IGSF21: variants seen among roughly 807,000 people sequenced by gnomAD.
IGSF21 encodes the protein immunoglobin superfamily member 21, also known as immunoglobulin superfamily member 21.
Under a neutral mutation model 46.8 loss-of-function variants are expected in IGSF21, and 28 were observed. The ratio of observed to expected loss-of-function variants is 0.60; its 90% CI spans 0.44 to 0.82. The LOEUF (loss-of-function observed/expected upper bound fraction) is 0.82. Ranked by LOEUF, IGSF21 falls within the 40% of genes least tolerant of loss-of-function variation. The pLI, the probability that IGSF21 is intolerant of heterozygous loss-of-function variation, is 0.00. For missense variants in IGSF21, 624 were observed against 665.5 expected (o/e 0.94, Z 0.69); for synonymous variants, 284 against 273.6 (o/e 1.04, Z -0.38).
At chr1:18,256,639 T>C (rs1162447949) in intron 2 of IGSF21, among the ~76,000 whole-genome samples, 1 of 152,184 alleles carries the variant, frequency 6.6e-6, no homozygotes, top group Non-Finnish European at 1.5e-5. Context: ...GAATCCACGA[T>C]CTGCCCTTCC....
chr1:18,297,256 G>A (rs1026085659), intron 3 of IGSF21, among the ~76,000 whole-genome samples: 13 of 152,274 alleles, frequency 8.5e-5, no homozygotes, highest in African/African-American at 2.9e-4. Context: ...GAATGAGTTC[G>A]TGGTGAACAT....
chr1:18,327,753 G>A (rs545843616), intron 3 of IGSF21, among the ~76,000 whole-genome samples: 27 of 152,154 alleles, frequency 1.8e-4, no homozygotes, highest in Non-Finnish European at 3.8e-4. Flanking sequence ...GATTATAAAA[G>A]GGCACAAGGA....
chr1:18,340,185 G>A (rs1008734166), intron 4 of IGSF21, among the ~76,000 whole-genome samples: 2 of 151,986 alleles, frequency 1.3e-5, no homozygotes, highest in African/African-American at 4.8e-5. Context: ...GCACTGTTGT[G>A]TGCACTGGAG....
chr1:18,230,922 C>T (rs1045717422), intron 2 of IGSF21, among the ~76,000 whole-genome samples: 5 of 151,890 alleles, frequency 3.3e-5, no homozygotes, highest in South Asian at 2.1e-4. Context: ...TCCCTCTCCC[C>T]GCAGCCTGCC....
chr1:18,298,370 C>T (rs754533133), intron 3 of IGSF21, among the ~76,000 whole-genome samples: 3 of 152,174 alleles, frequency 2.0e-5, no homozygotes, highest in Non-Finnish European at 4.4e-5. Flanking sequence ...TTTGAGGTAG[C>T]GTGTCCTGAA....
intron 1 of IGSF21, among the ~76,000 whole-genome samples, chr1:18,154,801 T>C (rs1307941533): frequency 2.0e-5 from 3 of 151,992 alleles, no homozygotes; most frequent in African/African-American, 7.2e-5. Flanking sequence ...TTCCCTCCCT[T>C]CCTTTCTCTT....
chr1:18,223,774 A>G (rs1241697970), intron 1 of IGSF21, among the ~76,000 whole-genome samples: 2 of 152,250 alleles, frequency 1.3e-5, no homozygotes, highest in South Asian at 4.2e-4. Context: ...TGCTGAAAAA[A>G]TGGGAGTGAG....
intron 4 of IGSF21, among the ~76,000 whole-genome samples, chr1:18,339,694 T>C (rs1422433748): frequency 2.6e-5 from 4 of 152,206 alleles, no homozygotes; most frequent in Non-Finnish European, 5.9e-5. Context: ...CACTGCTTTC[T>C]AGCCTGGGCA....
intron 1 of IGSF21, among the ~76,000 whole-genome samples, chr1:18,161,469 C>T (rs903074298): frequency 6.6e-6 from 1 of 152,092 alleles, no homozygotes; most frequent in Admixed American, 6.5e-5. Flanking sequence ...TCTACCCAGG[C>T]CACCAAAAGC....
chr1:18,364,619 T>A (rs1040725296), intron 5 of IGSF21, among the ~76,000 whole-genome samples: 5 of 152,040 alleles, frequency 3.3e-5, no homozygotes, highest in Non-Finnish European at 7.4e-5. Context: ...AAACTTGAGT[T>A]CCCCGTTAGC....
chr1:18,314,568 C>T (rs1020278794), intron 3 of IGSF21, among the ~76,000 whole-genome samples: 2 of 152,178 alleles, frequency 1.3e-5, no homozygotes, highest in Admixed American at 6.5e-5. Context: ...CTGCAAGGAG[C>T]GCCCTCTCAT....
intron 1 of IGSF21, among the ~76,000 whole-genome samples, chr1:18,161,936 A>G (rs924843584): frequency 2.0e-5 from 3 of 152,178 alleles, no homozygotes; most frequent in Non-Finnish European, 4.4e-5. Context: ...CTCATCTGCA[A>G]AAGGGGATCA....
intron 7 of IGSF21, 136 bp from the exon 8 acceptor site, chr1:18,376,664 T>G: frequency 1.3e-6 from 1 of 783,478 alleles, no homozygotes; most frequent in Non-Finnish European, 2.1e-6. Context: ...CTCCTCCTCC[T>G]GGAGTTCAGG....
intron 1 of IGSF21, among the ~76,000 whole-genome samples, chr1:18,159,154 C>T (rs2086594034): frequency 6.6e-6 from 1 of 152,220 alleles, no homozygotes; most frequent in Non-Finnish European, 1.5e-5. Flanking sequence ...GTTCTATTGA[C>T]CCACTAGCCT....
At chr1:18,361,959 G>A in intron 4 of IGSF21, 156 bp from the exon 5 acceptor site, 1 of 610,300 alleles carries the variant, frequency 1.6e-6, no homozygotes, top group Non-Finnish European at 3.0e-6. Flanking sequence ...GTTCCTCACT[G>A]TAGTGGATAC....
chr1:18,163,686 G>A (rs2086650226), intron 1 of IGSF21, among the ~76,000 whole-genome samples: 1 of 152,168 alleles, frequency 6.6e-6, no homozygotes, highest in East Asian at 1.9e-4. Context: ...CCCCATTGGT[G>A]CAGCCAGCAT....
intron 2 of IGSF21, among the ~76,000 whole-genome samples, chr1:18,288,040 A>T (rs1360846286): frequency 6.6e-6 from 1 of 152,110 alleles, no homozygotes; most frequent in East Asian, 1.9e-4. Context: ...CCCACCAGGG[A>T]CTCTACAAGG....
chr1:18,254,288 G>GC (rs992923457), intron 2 of IGSF21, among the ~76,000 whole-genome samples: 1 of 145,124 alleles, frequency 6.9e-6, no homozygotes, highest in African/African-American at 2.8e-5. Flanking sequence ...AAGTCCAGAG[G>GC]CCCCCATTTC....
At chr1:18,239,813 C>T (rs2084708883) in intron 2 of IGSF21, among the ~76,000 whole-genome samples, 1 of 152,120 alleles carries the variant, frequency 6.6e-6, no homozygotes, top group East Asian at 1.9e-4. Context: ...AATCTTCTTC[C>T]ACATTCAACT....
Sources: gnomAD v4.1 joint callset for allele counts (sites outside exome capture counted in the v4.1 genomes callset) on GRCh38, gnomAD v4.1.1 for gene constraint, MANE v1.5 for transcripts, NCBI Gene and HGNC (gene_info 2026-07-23, HGNC 2026-07-21) for gene names.